Variants in PREX1 observed in about 807,000 individuals in gnomAD.
The protein encoded by PREX1 is phosphatidylinositol 3,4,5-trisphosphate-dependent Rac exchanger 1 protein.
Under a neutral mutation model 198.3 loss-of-function variants are expected in PREX1, and 41 were observed. That is an observed-to-expected ratio of 0.21 (90% CI 0.16 to 0.27). The LOEUF is 0.27. PREX1 is among the 10% of genes least tolerant of loss of function. The pLI is 1.00. For missense variants in PREX1, 1,620 were observed against 2,200.7 expected (o/e 0.74, Z 5.28); for synonymous variants, 843 against 887.2 (o/e 0.95, Z 0.89).
At chr20:48,886,048 A>G in the PREX1 span, among the ~76,000 whole-genome samples, 1 of 152,216 alleles carries the variant, frequency 6.6e-6, no homozygotes, top group Admixed American at 6.5e-5. Flanking sequence ...AATGTAAACT[A>G]TGGACTCCGG....
Position 48,649,475 on chromosome 20 carries a change from C to T in PREX1, c.3130G>A (p.Gly1044Ser), listed in dbSNP as rs1232188120. ...PAAEGDPQGQGLHDGSFGPAS... is the reference protein window; with the variant it reads ...PAAEGDPQGQSLHDGSFGPAS... ...GGCCCGAAGCTGCCATCATGGAGAC[C>T]CTGGCCTTGGGGATCACCCTCTGCA... The change falls in exon 25 of 40, where the codon GGT (glycine) becomes AGT (serine). Residue 1044 changes from glycine (G) to serine (S), a missense_variant. Around this residue, in one of 7 missense-constraint regions of PREX1, gnomAD observed 514 missense variants for 611.6 expected, o/e 0.84. Transcript: ENST00000371941. The T allele has an allele frequency of 1.2e-6, 2 of 1,614,112 alleles. No individual in the cohort carries two copies. The highest frequency in any genetic ancestry group is 2.2e-5 in the South Asian group (2 of 91,080).
intron 1 of PREX1, among the ~76,000 whole-genome samples, chr20:48,784,691 G>A (rs752664604): frequency 1.3e-5 from 2 of 152,168 alleles, no homozygotes; most frequent in Non-Finnish European, 2.9e-5. Context: ...GAGCCCACCA[G>A]AAGAGAAAGG....
At chr20:48,774,486 A>C (rs1474741) in intron 1 of PREX1, among the ~76,000 whole-genome samples, 51,614 of 152,168 alleles carry the variant, frequency 0.34, 10,054 homozygotes, top group Non-Finnish European at 0.43. Context: ...TCAGACAGAG[A>C]TAGCTTCAAA....
chr20:48,719,432 C>T (rs1330295527), intron 5 of PREX1, among the ~76,000 whole-genome samples: 2 of 151,736 alleles, frequency 1.3e-5, no homozygotes, highest in Admixed American at 6.6e-5. Context: ...GTGCTCGGCC[C>T]GAGAGACAGG....
rs368364304 is a variant in PREX1, at chr20:48,820,264, C to T, written c.219+7378G>A. On this transcript the variant is annotated intron_variant, in intron 1 of 39. Transcript: ENST00000371941. ...TCTGCTTCTTCCTTGGGACTTCCTCCGGGAGGAGGGGTGAGCCCGCACACA... is the reference window on the plus strand; with the variant it reads ...TCTGCTTCTTCCTTGGGACTTCCTCTGGGAGGAGGGGTGAGCCCGCACACA... 2.0e-4 allele frequency among the ~76,000 whole-genome samples: 31 copies of T among 152,290 alleles called. No individual in the cohort carries two copies. The South Asian group carries it at 6.4e-3, about 32-fold the overall frequency.
the PREX1 span, among the ~76,000 whole-genome samples, chr20:48,855,207 T>C: frequency 6.6e-6 from 1 of 152,202 alleles, no homozygotes; most frequent in Non-Finnish European, 1.5e-5. Context: ...ATCAGCAACA[T>C]GTAACCAATA....
intron 1 of PREX1, among the ~76,000 whole-genome samples, chr20:48,802,426 G>A (rs13039688): frequency 2.9e-3 from 435 of 151,976 alleles, no homozygotes; most frequent in African/African-American, 0.01. Flanking sequence ...TCCCTGCCTC[G>A]GGGCCTTTGC....
intron 15 of PREX1, among the ~76,000 whole-genome samples, chr20:48,661,468 T>TATATATATATACACAC (rs1373152651): frequency 1.3e-5 from 1 of 76,804 alleles, no homozygotes. Context: ...TATATATATA[T>TATATATATATACACAC]ACACACACAT....
intron 31 of PREX1, among the ~76,000 whole-genome samples, chr20:48,637,378 C>A (rs951339408): frequency 4.6e-5 from 7 of 152,226 alleles, no homozygotes; most frequent in African/African-American, 1.7e-4. Flanking sequence ...ACCTCCTCCC[C>A]CTTCCTCTTC....
intron 5 of PREX1, among the ~76,000 whole-genome samples, chr20:48,709,313 G>A (rs1338772948): frequency 6.6e-6 from 1 of 152,166 alleles, no homozygotes; most frequent in East Asian, 1.9e-4. Flanking sequence ...TCTCCCCTAT[G>A]CCCTAGCTCT....
intron 1 of PREX1, among the ~76,000 whole-genome samples, chr20:48,782,607 G>A (rs1227177354): frequency 6.6e-6 from 1 of 152,174 alleles, no homozygotes; most frequent in African/African-American, 2.4e-5. Flanking sequence ...GGATGGTCTG[G>A]CTTAAAATAA....
At chr20:48,715,791 A>G (rs2089959611) in intron 5 of PREX1, among the ~76,000 whole-genome samples, 1 of 152,230 alleles carries the variant, frequency 6.6e-6, no homozygotes, top group South Asian at 2.1e-4. Context: ...GCATCTACTA[A>G]GTACTTACTG....
intron 4 of PREX1, among the ~76,000 whole-genome samples, chr20:48,728,877 C>T (rs1187207178): frequency 6.6e-6 from 1 of 152,152 alleles, no homozygotes; most frequent in Non-Finnish European, 1.5e-5. Context: ...AGCTAGCATT[C>T]ACTATTCTCA....
Position 48,702,918 on chromosome 20 carries a change from T to A in PREX1, c.784-2032A>T, listed in dbSNP as rs117713107. Among the ~76,000 whole-genome samples, 347 of 152,360 alleles carry A rather than the reference T, an allele frequency of 2.3e-3. 4 individuals carry two copies. In the East Asian group the frequency reaches 0.044, roughly 19 times the overall value. Reference sequence around the variant, plus strand: ...AGCAGTGTTTTAAGGGAGTTTCACGTGACAGACCAGCAGATTACACTGAAC... The same window carrying A: ...AGCAGTGTTTTAAGGGAGTTTCACGAGACAGACCAGCAGATTACACTGAAC... On this transcript the variant is annotated intron_variant, in intron 6 of 39. Transcript: ENST00000371941.
chr20:48,804,622 AT>A (rs2090403178), intron 1 of PREX1, among the ~76,000 whole-genome samples: 2 of 152,166 alleles, frequency 1.3e-5, no homozygotes, highest in Non-Finnish European at 2.9e-5. Flanking sequence ...ATGTGACCTG[AT>A]TTACGCAGGG....
intron 4 of PREX1, among the ~76,000 whole-genome samples, chr20:48,733,690 C>CTGTTGTTGCTGTTGCTGT (rs2090044364): frequency 1.4e-5 from 1 of 71,020 alleles, no homozygotes; most frequent in Non-Finnish European, 3.0e-5. Context: ...GTAAATCCCT[C>CTGTTGTTGCTGTTGCTGT]TGTTGTTGTT....
In PREX1 at chr20:48,649,420, C is replaced by G. The variant is rs374319615; in HGVS notation, c.3185G>C (p.Arg1062Pro). The G allele has an allele frequency of 1.2e-6, 2 of 1,614,028 alleles. No homozygotes were observed. Among genetic ancestry groups the G allele is most frequent in the Admixed American group, 3.3e-5 (2 of 60,012 alleles). ...PASGTLGQED[R>P]GLSFLLKQED... ...CTGCTTGAGTAGGAAGCTGAGGCCC[C>G]GGTCTTCCTGACCAAGGGTCCCACT... is the stretch of plus-strand genomic sequence containing the variant. The change falls in exon 25 of 40, where the codon CGG (arginine) becomes CCG (proline). Residue 1062 changes from arginine (R) to proline (P), a missense_variant. Around this residue, in one of 7 missense-constraint regions of PREX1, gnomAD observed 514 missense variants for 611.6 expected, o/e 0.84. Transcript: ENST00000371941.
At chr20:48,647,085 C>A (rs987013259) in intron 25 of PREX1, among the ~76,000 whole-genome samples, 4 of 152,050 alleles carry the variant, frequency 2.6e-5, no homozygotes, top group Non-Finnish European at 5.9e-5. Context: ...CAAAAATTAG[C>A]CAGGCATGGC....
At chr20:48,776,481 G>A (rs771588534) in intron 1 of PREX1, among the ~76,000 whole-genome samples, 19 of 152,220 alleles carry the variant, frequency 1.2e-4, no homozygotes, top group Non-Finnish European at 1.5e-4. Flanking sequence ...GCTGGAGCCT[G>A]GAAGCCAGGC....
Sources: allele counts gnomAD v4.1 joint callset (sites outside exome capture counted in the v4.1 genomes callset), GRCh38; gene constraint gnomAD v4.1.1; regional missense constraint gnomAD v4.1.1; transcripts MANE v1.5; gene names NCBI Gene and HGNC (gene_info 2026-07-23, HGNC 2026-07-21).